PDZD2: variants seen among roughly 807,000 people sequenced by gnomAD.
PDZD2 encodes the protein PDZ domain-containing protein 2.
A neutral mutation model predicts 220.7 loss-of-function variants in PDZD2; 90 were observed. The observed-to-expected ratio is 0.41, with a 90% CI of 0.34 to 0.49. The LOEUF (loss-of-function observed/expected upper bound fraction) is 0.49. PDZD2 is among the 20% of genes least tolerant of loss of function. PDZD2 has a pLI of 0.28. For synonymous variants in PDZD2, 1,375 were observed against 1,450.5 expected (o/e 0.95, Z 1.18); for missense variants, 3,174 against 3,608.5 (o/e 0.88, Z 3.08).
At chr5:32,018,440 A>G (rs1409178749) in intron 6 of PDZD2, among the ~76,000 whole-genome samples, 1 of 152,218 alleles carries the variant, frequency 6.6e-6, no homozygotes, top group South Asian at 2.1e-4. Flanking sequence ...GAGTGAGGCC[A>G]AGGTGTTTGT....
chr5:31,775,284 T>TGG (rs1391603368), intron 1 of PDZD2, among the ~76,000 whole-genome samples: 20 of 150,734 alleles, frequency 1.3e-4, no homozygotes, highest in African/African-American at 4.4e-4. Context: ...CTTGTCTGAG[T>TGG]GGGGAGTGGA....
chr5:31,666,795 C>G (rs139537131), intron 1 of PDZD2, among the ~76,000 whole-genome samples: 25 of 152,238 alleles, frequency 1.6e-4, no homozygotes, highest in African/African-American at 5.3e-4. Context: ...GATATGGGGT[C>G]CGTCTTTAAG....
chr5:32,087,900 G>A lies in PDZD2; in HGVS notation c.4452G>A (p.Arg1484=), dbSNP rs1236476073. The A allele has an allele frequency of 1.9e-6, 3 of 1,613,328 alleles. No homozygotes were observed. The highest frequency in any genetic ancestry group is 2.7e-5 in the African/African-American group (2 of 74,922). ...PVPGGQTSSP[R]RAWAAGAPAY... is the part of the protein sequence containing the mutation. ...CGGGGGGCCAGACCTCCTCCCCGAG[G>A]AGGGCCTGGGCTGCTGGTGCCCCCG... Residue 1484 remains arginine, a synonymous_variant, in exon 20 of 25, where the codon AGG becomes AGA. Coordinates refer to ENST00000438447, the MANE Select transcript of PDZD2 (RefSeq NM_178140.4). This position sits in a 1 kb window ranked among gnomAD's most constrained non-coding sequence, Gnocchi z 4.0.
intron 2 of PDZD2, among the ~76,000 whole-genome samples, chr5:31,957,500 T>C (rs1747821912): frequency 6.6e-6 from 1 of 152,176 alleles, no homozygotes; most frequent in African/African-American, 2.4e-5. Context: ...ATTTTCCCTC[T>C]GAAATAGAAA....
At chr5:31,829,313 A>G (rs1049709832) in intron 2 of PDZD2, among the ~76,000 whole-genome samples, 8 of 149,752 alleles carry the variant, frequency 5.3e-5, no homozygotes, top group African/African-American at 1.5e-4. Context: ...GGCACATATC[A>G]AAAGTATTCA....
chr5:31,765,724 C>T lies in PDZD2; in HGVS notation c.-360-33165C>T, dbSNP rs566999616. Among the ~76,000 whole-genome samples the T allele has an allele frequency of 5.3e-5, 8 of 152,238 alleles. No homozygotes were observed. In the East Asian group the frequency reaches 1.5e-3, roughly 29 times the overall value. On this transcript the variant is annotated intron_variant, in intron 1 of 24. Transcript: ENST00000438447. ...AGTTTGCTGACAGCATGCTGTGTGTCCTGGGGCCCCATGAAAAGTGGTCAC... is the reference window on the plus strand; with the variant it reads ...AGTTTGCTGACAGCATGCTGTGTGTTCTGGGGCCCCATGAAAAGTGGTCAC...
intron 2 of PDZD2, among the ~76,000 whole-genome samples, chr5:31,897,611 T>C (rs1447515403): frequency 6.6e-6 from 1 of 152,162 alleles, no homozygotes; most frequent in East Asian, 1.9e-4. Context: ...TTTCTGGGGA[T>C]AGGGCAGAAA....
chr5:31,717,564 C>G (rs576126585), intron 1 of PDZD2, among the ~76,000 whole-genome samples: 1 of 152,056 alleles, frequency 6.6e-6, no homozygotes, highest in Non-Finnish European at 1.5e-5. Flanking sequence ...ACCTCCCCAG[C>G]CTTCAAGTTT....
intron 19 of PDZD2, among the ~76,000 whole-genome samples, chr5:32,078,282 A>G (rs1449011866): frequency 6.6e-6 from 1 of 152,208 alleles, no homozygotes; most frequent in East Asian, 1.9e-4. Flanking sequence ...CTGAAAAACC[A>G]CACATAAGTG....
Position 31,793,434 on chromosome 5 carries a change from A to G in PDZD2, c.-360-5455A>G, listed in dbSNP as rs1753832199. ...TCTGCCCAGAACAACCTTCCCACAG[A>G]TATTCTTGTGGCTCAGTGTCTCACT... On this transcript the variant is annotated intron_variant, in intron 1 of 24. Transcript: ENST00000438447. 1.3e-5 allele frequency among the ~76,000 whole-genome samples: 2 copies of G among 152,146 alleles called. 1 individual carries two copies. Among genetic ancestry groups the G allele is most frequent in the South Asian group, 4.1e-4 (2 of 4,836 alleles).
intron 2 of PDZD2, among the ~76,000 whole-genome samples, chr5:31,851,326 C>T (rs79586244): frequency 0.013 from 1,907 of 152,264 alleles, 46 homozygotes; most frequent in African/African-American, 0.044. Context: ...CTCCCACCAG[C>T]GTGAATTCAC....
intron 24 of PDZD2, chr5:32,107,586 T>G (rs950580934): frequency 6.5e-6 from 1 of 154,130 alleles, no homozygotes; most frequent in African/African-American, 2.4e-5. Flanking sequence ...AACCTGCTTT[T>G]CTGTGTTTAC....
chr5:31,837,489 G>A (rs924394054), intron 2 of PDZD2, among the ~76,000 whole-genome samples: 7 of 152,250 alleles, frequency 4.6e-5, no homozygotes, highest in East Asian at 3.9e-4. Context: ...TTGGGAGGCC[G>A]AGGTGGGCAG....
At chr5:31,890,016 C>T (rs1253197390) in intron 2 of PDZD2, among the ~76,000 whole-genome samples, 2 of 151,698 alleles carry the variant, frequency 1.3e-5, no homozygotes, top group African/African-American at 4.8e-5. Context: ...GAGTGAGACA[C>T]TGTCCCCCCT....
At chr5:31,725,351 A>AG in intron 1 of PDZD2, among the ~76,000 whole-genome samples, 1 of 152,076 alleles carries the variant, frequency 6.6e-6, no homozygotes, top group African/African-American at 2.4e-5. Flanking sequence ...AAAAAAAAAA[A>AG]AAAAAAAGAG....
intron 2 of PDZD2, among the ~76,000 whole-genome samples, chr5:31,858,577 T>C (rs1340399464): frequency 1.3e-5 from 2 of 152,228 alleles, no homozygotes; most frequent in Non-Finnish European, 2.9e-5. Flanking sequence ...GGGACCAGAC[T>C]GCCTTTGTAG....
intron 6 of PDZD2, among the ~76,000 whole-genome samples, chr5:32,032,148 G>A (rs532010436): frequency 2.6e-5 from 4 of 152,192 alleles, no homozygotes; most frequent in Non-Finnish European, 5.9e-5. Flanking sequence ...AAGTAAACGT[G>A]GGGGAGAGCA....
intron 4 of PDZD2, 67 bp downstream of exon 4, chr5:31,995,785 G>A (rs1751579867): frequency 7.2e-7 from 1 of 1,392,970 alleles, no homozygotes; most frequent in Non-Finnish European, 1.0e-6. Context: ...CCTCCCCACT[G>A]GTGCAGGTGC....
chr5:31,701,782 C>T (rs1222862102), intron 1 of PDZD2, among the ~76,000 whole-genome samples: 2 of 152,170 alleles, frequency 1.3e-5, no homozygotes, highest in African/African-American at 2.4e-5. Context: ...TCCCTAATAA[C>T]GAGAAGATGT....
Sources: gnomAD v4.1 joint callset for allele counts (sites outside exome capture counted in the v4.1 genomes callset) on GRCh38, gnomAD v4.1.1 for gene constraint, Gnocchi (gnomAD v3.1) non-coding constraint, MANE v1.5 for transcripts, NCBI Gene and HGNC (gene_info 2026-07-23, HGNC 2026-07-21) for gene names.